EYS: variants seen among roughly 807,000 people sequenced by gnomAD.
The protein encoded by EYS is protein eyes shut homolog.
A neutral mutation model predicts 282.1 loss-of-function variants in EYS; 250 were observed. That is an observed-to-expected ratio of 0.89 (90% CI 0.80 to 0.98). The LOEUF (loss-of-function observed/expected upper bound fraction) is 0.98. EYS is among the 50% of genes least tolerant of loss of function. The pLI is 0.00. For missense variants in EYS, 4,016 were observed against 3,709.0 expected (o/e 1.08, Z -2.15); for synonymous variants, 1,355 against 1,282.9 (o/e 1.06, Z -1.20).
chr6:65,660,048 G>C (rs1767952245), intron 1 of EYS, among the ~76,000 whole-genome samples: 2 of 151,304 alleles, frequency 1.3e-5, no homozygotes, highest in African/African-American at 2.4e-5. Flanking sequence ...TAAATGACAG[G>C]GTATAGTGCA....
At chr6:63,907,298 A>G (rs115357962) in intron 35 of EYS, among the ~76,000 whole-genome samples, 4,328 of 152,262 alleles carry the variant, frequency 0.028, 193 homozygotes, top group African/African-American at 0.097. Flanking sequence ...AGTGGGGCCC[A>G]TATATCTCTA....
chr6:64,968,046 A>C (rs1293966153), intron 14 of EYS, among the ~76,000 whole-genome samples: 1 of 152,194 alleles, frequency 6.6e-6, no homozygotes, highest in African/African-American at 2.4e-5. Context: ...GAGGCAAGTG[A>C]AATGAACTAG....
chr6:64,826,657 CT>C (rs1765067721), intron 19 of EYS, among the ~76,000 whole-genome samples: 1 of 144,190 alleles, frequency 6.9e-6, no homozygotes, highest in Non-Finnish European at 1.5e-5. Context: ...ATATATATTC[CT>C]ATTATATAAA....
At chr6:64,028,857 T>G (rs1003960018) in intron 33 of EYS, among the ~76,000 whole-genome samples, 2 of 152,152 alleles carry the variant, frequency 1.3e-5, no homozygotes, top group Non-Finnish European at 2.9e-5. Context: ...GGTGTCTAGG[T>G]CAAAGGCCCA....
At chr6:65,089,918 C>G (rs2150176834) in intron 12 of EYS, among the ~76,000 whole-genome samples, 1 of 146,318 alleles carries the variant, frequency 6.8e-6, no homozygotes, top group East Asian at 2.0e-4. Flanking sequence ...GATCACACCA[C>G]TGCATTCTAG....
intron 15 of EYS, 39 bp downstream of exon 15, chr6:64,945,754 A>T (rs1432437184): frequency 6.5e-7 from 1 of 1,537,976 alleles, no homozygotes; most frequent in Non-Finnish European, 8.8e-7. Flanking sequence ...TGAGCACTCC[A>T]AGTAATTTCA....
In EYS at chr6:63,806,329, A is replaced by G. The variant is rs567167108; in HGVS notation, c.7272T>C (p.Phe2424=). Residue 2424 remains phenylalanine (F), a synonymous_variant, in exon 37 of 43, where the codon TTT becomes TTC. Transcript: ENST00000503581. ...TQPRFSGTDA[F]GYTSFLAYSR... The stretch of plus-strand genomic sequence containing the variant: ...AATAAGCCAGGAATGAGGTGTATCC[A>G]AAGGCATCTGTGCCACTGAACCTTG... The G allele has an allele frequency of 9.0e-6, 14 of 1,551,096 alleles. No individual in the cohort carries two copies. In the South Asian group the frequency reaches 1.5e-4, roughly 17 times the overall value.
At chr6:64,342,887 A>T (rs1204968473) in intron 29 of EYS, among the ~76,000 whole-genome samples, 2 of 152,168 alleles carry the variant, frequency 1.3e-5, no homozygotes, top group South Asian at 4.1e-4. Context: ...GAAAACAAAA[A>T]AAGGCAGGGG....
At chr6:64,470,701 T>C (rs551406257) in intron 26 of EYS, among the ~76,000 whole-genome samples, 1 of 152,270 alleles carries the variant, frequency 6.6e-6, no homozygotes, top group Non-Finnish European at 1.5e-5. Flanking sequence ...GGGCTGCAAG[T>C]TGGACAAACT....
At chr6:64,035,553 G>A (rs181275328) in intron 33 of EYS, among the ~76,000 whole-genome samples, 49 of 152,302 alleles carry the variant, frequency 3.2e-4, no homozygotes, top group Non-Finnish European at 5.0e-4. Flanking sequence ...AGTTTCACCT[G>A]CCTATGAAGA....
chr6:65,162,599 C>A (rs1256040420), intron 12 of EYS, among the ~76,000 whole-genome samples: 14 of 150,782 alleles, frequency 9.3e-5, no homozygotes, highest in Non-Finnish European at 7.4e-5. Flanking sequence ...CACTTTATGG[C>A]TATTTTATTT....
intron 26 of EYS, among the ~76,000 whole-genome samples, chr6:64,578,620 TG>T (rs200436993): frequency 0.013 from 1,685 of 134,496 alleles, 22 homozygotes; most frequent in African/African-American, 0.041. Flanking sequence ...TGTGTGTGTG[TG>T]GTGTGTGTGT....
At chr6:64,175,061 C>T (rs1362352778) in intron 31 of EYS, among the ~76,000 whole-genome samples, 1 of 151,914 alleles carries the variant, frequency 6.6e-6, no homozygotes, top group African/African-American at 2.4e-5. Flanking sequence ...CTTTCCTTGC[C>T]ATATGTAAAG....
intron 12 of EYS, among the ~76,000 whole-genome samples, chr6:65,116,734 G>A (rs1775386387): frequency 6.6e-6 from 1 of 152,130 alleles, no homozygotes; most frequent in Non-Finnish European, 1.5e-5. Context: ...AGAGATGGTT[G>A]CATTTACTTC....
chr6:64,134,877 C>T (rs1774107521), intron 31 of EYS, among the ~76,000 whole-genome samples: 1 of 152,056 alleles, frequency 6.6e-6, no homozygotes, highest in African/African-American at 2.4e-5. Context: ...TACCTATGAA[C>T]ATCTATTTTC....
intron 2 of EYS, among the ~76,000 whole-genome samples, chr6:65,602,861 C>T (rs1765659480): frequency 6.6e-6 from 1 of 151,858 alleles, no homozygotes; most frequent in Non-Finnish European, 1.5e-5. Flanking sequence ...TTAAGTTTGC[C>T]TAAGACAGTT....
chr6:64,240,763 C>A (rs760024400), intron 30 of EYS, among the ~76,000 whole-genome samples: 1 of 152,140 alleles, frequency 6.6e-6, no homozygotes, highest in Non-Finnish European at 1.5e-5. Flanking sequence ...TGCCTGATTG[C>A]CCTGGCCAGA....
intron 35 of EYS, among the ~76,000 whole-genome samples, chr6:63,930,208 G>A (rs140108309): frequency 3.9e-5 from 6 of 152,080 alleles, no homozygotes; most frequent in African/African-American, 1.2e-4. Context: ...GTGTATATAT[G>A]TATTAAAACA....
At chr6:65,338,128 T>C (rs921913216) in intron 10 of EYS, among the ~76,000 whole-genome samples, 2 of 151,246 alleles carry the variant, frequency 1.3e-5, no homozygotes, top group African/African-American at 4.8e-5. Flanking sequence ...ATGGAAAAGA[T>C]GGTGAATTAT....
Sources: allele counts gnomAD v4.1 joint callset (sites outside exome capture counted in the v4.1 genomes callset), GRCh38; gene constraint gnomAD v4.1.1; transcripts MANE v1.5; gene names NCBI Gene and HGNC (gene_info 2026-07-23, HGNC 2026-07-21).